SCML2: variants seen among roughly 807,000 people sequenced by gnomAD.
SCML2 encodes the protein Scm polycomb group protein like 2, also known as sex comb on midleg-like protein 2.
Under a neutral mutation model 48.4 loss-of-function variants are expected in SCML2, and 6 were observed. The observed-to-expected ratio is 0.12, with a 90% CI of 0.07 to 0.24. The LOEUF is 0.24. Ranked by LOEUF, SCML2 falls within the 10% of genes least tolerant of loss-of-function variation. The pLI is 1.00. For synonymous variants in SCML2, 181 were observed against 189.5 expected, an observed-to-expected ratio of 0.95 and a Z score of 0.37; for missense variants, 377 against 528.2, an observed-to-expected ratio of 0.71 and a Z score of 2.81.
chrX:18,297,072 C>T (rs780936097), intron 7 of SCML2, among the ~76,000 whole-genome samples: 9 of 111,584 alleles, frequency 8.1e-5, no homozygotes, highest in Non-Finnish European at 1.7e-4. Flanking sequence ...AAGGATGCAA[C>T]GATAAGTTCA....
Position 18,241,357 on chromosome X carries a change from A to T in SCML2, c.1997T>A (p.Phe666Tyr), listed in dbSNP as rs200260668. The T allele has an allele frequency of 8.6e-7, 1 of 1,163,961 alleles. No individual in the cohort carries two copies. The highest frequency in any genetic ancestry group is 1.8e-5 in the African/African-American group (1 of 56,061). ...RQHEIDGKALFLLKSDVMMKY... is the reference protein window; with the variant it reads ...RQHEIDGKALYLLKSDVMMKY... ...CATCATCACATCACTCTTGAGTAGGAACAGAGCCTTCCCATCAATTTCCTA... is the reference window on the plus strand; with the variant it reads ...CATCATCACATCACTCTTGAGTAGGTACAGAGCCTTCCCATCAATTTCCTA... The change falls in exon 15 of 15, where the codon TTC (phenylalanine) becomes TAC (tyrosine). Residue 666 changes from phenylalanine to tyrosine, a missense_variant. Coordinates refer to ENST00000251900, the MANE Select transcript of SCML2 (RefSeq NM_006089.3).
intron 6 of SCML2, among the ~76,000 whole-genome samples, chrX:18,311,950 C>T (rs1252683291): frequency 9.0e-6 from 1 of 111,434 alleles, no homozygotes; most frequent in Non-Finnish European, 1.9e-5. Flanking sequence ...AACCACAATG[C>T]CCAGCTAATT....
Position 18,256,969 on chromosome X carries a change from A to G in SCML2, c.1335T>C (p.Ala445=). 8.3e-7 allele frequency: 1 copy of G among 1,208,897 alleles called. No individual in the cohort carries two copies. The highest frequency in any genetic ancestry group is 1.1e-6 in the Non-Finnish European group (1 of 893,995). ...GGCAGAAGTTCTCAAGAAAGCGAAG[A>G]GCAAATGATGCACTGTTCACTGGAG... ...QLPPVNSASF[A]LRFLENFCHS... is the part of the protein sequence containing the mutation. Residue 445 remains alanine (A), a synonymous_variant, in exon 11 of 15, where the codon GCT becomes GCC. Transcript: ENST00000251900.
intron 1 of SCML2, among the ~76,000 whole-genome samples, chrX:18,352,002 C>T (rs942243833): frequency 1.8e-5 from 2 of 111,444 alleles, no homozygotes; most frequent in African/African-American, 6.5e-5. Flanking sequence ...TTCACTGATG[C>T]GGAAACAGAC....
At chrX:18,276,383 T>C (rs759937211) in intron 7 of SCML2, among the ~76,000 whole-genome samples, 3 of 110,669 alleles carry the variant, frequency 2.7e-5, no homozygotes, top group Admixed American at 9.5e-5. Flanking sequence ...TAGGTACAGA[T>C]CCCAAAGAAC....
At chrX:18,253,386 T>C (rs1926733465) in intron 11 of SCML2, among the ~76,000 whole-genome samples, 1 of 111,548 alleles carries the variant, frequency 9.0e-6, no homozygotes, top group Non-Finnish European at 1.9e-5. Context: ...GTGGTAAACA[T>C]GCAAAGAAGT....
intron 3 of SCML2, among the ~76,000 whole-genome samples, chrX:18,326,255 G>A (rs781646840): frequency 1.6e-4 from 18 of 112,105 alleles, no homozygotes; most frequent in African/African-American, 4.8e-4. Flanking sequence ...GTAACATTTT[G>A]CACCTTGCTT....
At chrX:18,246,930 G>A in intron 12 of SCML2, 102 bp from the exon 13 acceptor site, 2 of 843,691 alleles carry the variant, frequency 2.4e-6, no homozygotes, top group South Asian at 4.9e-5. Context: ...CACTTAACTT[G>A]TGCTATACTG....
intron 3 of SCML2, among the ~76,000 whole-genome samples, chrX:18,325,678 G>A: frequency 8.9e-6 from 1 of 111,940 alleles, no homozygotes; most frequent in Middle Eastern, 4.7e-3. Context: ...AGAAAGCAGA[G>A]CACATTGCCT....
At chrX:18,284,559 C>G (rs1927977721) in intron 7 of SCML2, among the ~76,000 whole-genome samples, 1 of 111,612 alleles carries the variant, frequency 9.0e-6, no homozygotes, top group South Asian at 3.7e-4. Context: ...AATCAACAAG[C>G]AAAAAATAAA....
chrX:18,252,273 C>CA (rs1358453109), intron 11 of SCML2, among the ~76,000 whole-genome samples: 1 of 112,052 alleles, frequency 8.9e-6, no homozygotes, highest in Non-Finnish European at 1.9e-5. Flanking sequence ...GACTCCGTCT[C>CA]AAAAAAACAA....
chrX:18,246,806 TC>T lies in SCML2; in HGVS notation c.1592del (p.Gly531GlufsTer19). On this transcript the variant is annotated frameshift_variant, in exon 13 of 15. Coordinates refer to ENST00000251900, the MANE Select transcript of SCML2 (RefSeq NM_006089.3). LOFTEE classifies it high-confidence loss of function. ...GATTCTCCTCTTTGGGAATGGCACTTCCCCCAGCAAACAATGGTTCTCCTAC... is the reference window on the plus strand; with the variant it reads ...GATTCTCCTCTTTGGGAATGGCACTTCCCCAGCAAACAATGGTTCTCCTAC... Reference protein sequence around the residue: ...ASEGEPLFAGGSAIPKEENLS... With the variant: ...ASEGEPLFAGXSAIPKEENLS... 8.3e-7 allele frequency: 1 copy of T among 1,203,368 alleles called. No homozygotes were observed. The highest frequency in any genetic ancestry group is 1.7e-5 in the African/African-American group (1 of 57,457).
At chrX:18,251,386 A>G in intron 11 of SCML2, among the ~76,000 whole-genome samples, 2 of 109,658 alleles carry the variant, frequency 1.8e-5, no homozygotes, top group East Asian at 5.7e-4. Context: ...ATACATGCAA[A>G]GCATATACCT....
At chrX:18,301,654 T>C (rs541052764) in intron 7 of SCML2, among the ~76,000 whole-genome samples, 3 of 110,796 alleles carry the variant, frequency 2.7e-5, no homozygotes, top group South Asian at 7.7e-4. Flanking sequence ...GTGCCTGTAG[T>C]CCCAGCTACT....
chrX:18,352,390 T>C (rs1930403367), intron 1 of SCML2, among the ~76,000 whole-genome samples: 2 of 111,891 alleles, frequency 1.8e-5, no homozygotes, highest in Admixed American at 1.9e-4. Flanking sequence ...TGAAAATATA[T>C]AGCTTTATAT....
chrX:18,306,655 C>G (rs887413046), intron 6 of SCML2, among the ~76,000 whole-genome samples: 1 of 111,340 alleles, frequency 9.0e-6, no homozygotes, highest in Non-Finnish European at 1.9e-5. Flanking sequence ...AATAAGCTCT[C>G]AACTAATTCT....
In SCML2 at chrX:18,257,011, A is replaced by C. The variant is rs776527654; in HGVS notation, c.1293T>G (p.Thr431=). 1 of 1,185,277 alleles carries C rather than the reference A, an allele frequency of 8.4e-7. No individual in the cohort carries two copies. The highest frequency in any genetic ancestry group is 1.1e-6 in the Non-Finnish European group (1 of 884,083). ...TCACTGGAGGGAGCTGGATGGAATG[A>C]GTTTCCCCATCAAAGGAGGCTATTG... ...EVITASFDGE[T]HSIQLPPVNS... is the part of the protein sequence containing the mutation. The change falls in exon 11 of 15, where the codon ACT becomes ACG. Residue 431 remains threonine (T), a synonymous_variant. Coordinates refer to ENST00000251900, the MANE Select transcript of SCML2 (RefSeq NM_006089.3).
chrX:18,305,491 G>A (rs1181664683), intron 6 of SCML2, among the ~76,000 whole-genome samples: 1 of 111,608 alleles, frequency 9.0e-6, no homozygotes, highest in Non-Finnish European at 1.9e-5. Context: ...TATCTACTAT[G>A]TACCAGGAAT....
At chrX:18,329,367 C>T (rs973913694) in intron 3 of SCML2, among the ~76,000 whole-genome samples, 14 of 111,050 alleles carry the variant, frequency 1.3e-4, no homozygotes, top group African/African-American at 4.6e-4. Context: ...ACAACAATTC[C>T]GTGGGGATTA....
Sources: allele counts gnomAD v4.1 joint callset (sites outside exome capture counted in the v4.1 genomes callset), GRCh38; gene constraint gnomAD v4.1.1; transcripts MANE v1.5; gene names NCBI Gene and HGNC (gene_info 2026-07-23, HGNC 2026-07-21).